The following SYNPR variants were observed in gnomAD, a reference collection of about 807,000 sequenced individuals.
SYNPR encodes the protein synaptoporin.
SYNPR carries 23 observed loss-of-function variants against 32.9 expected under a neutral mutation model. The observed-to-expected ratio is 0.70, with a 90% CI of 0.50 to 0.99. SYNPR has a LOEUF of 0.99. SYNPR is among the 50% of genes least tolerant of loss of function. The pLI is 0.00. For missense variants in SYNPR, 318 were observed against 349.3 expected (o/e 0.91, Z 0.71); for synonymous variants, 146 against 135.9 (o/e 1.07, Z -0.52).
At chr3:63,487,820 G>A (rs982698940) in intron 3 of SYNPR, among the ~76,000 whole-genome samples, 10 of 152,178 alleles carry the variant, frequency 6.6e-5, no homozygotes, top group Admixed American at 5.9e-4. Context: ...GGCATCGGTG[G>A]AGTAGGAGAC....
At chr3:63,448,253 C>T (rs1700315734) in intron 2 of SYNPR, among the ~76,000 whole-genome samples, 1 of 152,216 alleles carries the variant, frequency 6.6e-6, no homozygotes, top group East Asian at 1.9e-4. Flanking sequence ...ATCCTCCTGC[C>T]TCGGTCTCCC....
chr3:63,324,503 T>A (rs1158301773), intron 2 of SYNPR, among the ~76,000 whole-genome samples: 1 of 152,080 alleles, frequency 6.6e-6, no homozygotes. Context: ...GATTATAGAA[T>A]GGAAAATCAG....
intron 2 of SYNPR, among the ~76,000 whole-genome samples, chr3:63,467,478 T>G (rs1313241071): frequency 6.6e-6 from 1 of 152,260 alleles, no homozygotes; most frequent in Non-Finnish European, 1.5e-5. Flanking sequence ...CTGTGTGGCC[T>G]TGGATAAATC....
At chr3:63,380,440 G>T (rs2087951479) in intron 2 of SYNPR, among the ~76,000 whole-genome samples, 1 of 152,202 alleles carries the variant, frequency 6.6e-6, no homozygotes, top group Non-Finnish European at 1.5e-5. Context: ...GATGGCCAGT[G>T]ATGATGAGCA....
intron 4 of SYNPR, among the ~76,000 whole-genome samples, chr3:63,563,888 AAAAAAAT>A (rs1205178512): frequency 6.6e-6 from 1 of 151,912 alleles, no homozygotes; most frequent in Non-Finnish European, 1.5e-5. Flanking sequence ...AAAGTATAAT[AAAAAAAT>A]AAAAAATAAA....
chr3:63,256,386 T>C (rs2086383813), intron 2 of SYNPR, among the ~76,000 whole-genome samples: 1 of 152,114 alleles, frequency 6.6e-6, no homozygotes, highest in East Asian at 1.9e-4. Context: ...AGAGGAAGGA[T>C]CAGGCAGCAA....
rs555230362 is a variant in SYNPR at position 63,461,486 on chromosome 3, T to C, written c.85-19346T>C. On this transcript the variant is annotated intron_variant, in intron 2 of 5. Transcript: ENST00000478300. ...TTGTCCTGGGCTTTTTCTGAATTTG[T>C]GTCAAAACATTTCTTCTAATTCTAT... is the stretch of plus-strand genomic sequence containing the variant. Among the ~76,000 whole-genome samples, 14 of 152,236 alleles carry C rather than the reference T, an allele frequency of 9.2e-5. No individual in the cohort carries two copies. In the South Asian group the frequency reaches 1.9e-3, roughly 20 times the overall value.
rs113610346 is a variant in SYNPR at position 63,388,270 on chromosome 3, C to G, written c.85-92562C>G. Among the ~76,000 whole-genome samples the G allele has an allele frequency of 3.0e-3, 451 of 152,032 alleles. 2 individuals carry two copies. Among genetic ancestry groups the G allele is most frequent in the Non-Finnish European group, 5.6e-3 (379 of 67,990 alleles). ...AGCTAAGATAATATGTCCTTTATTC[C>G]TGAATTCCTGAGGGATATCTGGAAG... On this transcript the variant is annotated intron_variant, in intron 2 of 5. Transcript: ENST00000478300.
At chr3:63,353,349 A>T (rs536935556) in intron 2 of SYNPR, among the ~76,000 whole-genome samples, 1 of 152,310 alleles carries the variant, frequency 6.6e-6, no homozygotes, top group African/African-American at 2.4e-5. Flanking sequence ...TCCCTTATTT[A>T]TCTTCTTCCA....
intron 1 of SYNPR, among the ~76,000 whole-genome samples, chr3:63,250,071 A>G (rs898606134): frequency 6.6e-6 from 1 of 152,120 alleles, no homozygotes; most frequent in African/African-American, 2.4e-5. Context: ...GTTAACAGAT[A>G]CAAAATTACA....
chr3:63,535,732 A>C (rs1293288328), intron 3 of SYNPR, among the ~76,000 whole-genome samples: 2 of 83,570 alleles, frequency 2.4e-5, no homozygotes, highest in South Asian at 3.8e-4. Flanking sequence ...ATCCACATGC[A>C]AAAAAAAAAA....
chr3:63,327,784 G>A (rs539014777), intron 2 of SYNPR, among the ~76,000 whole-genome samples: 2 of 152,256 alleles, frequency 1.3e-5, no homozygotes, highest in South Asian at 2.1e-4. Flanking sequence ...TTGGTGGTTA[G>A]AGGTTAAGGA....
chr3:63,333,121 T>G (rs1019275523), intron 2 of SYNPR, among the ~76,000 whole-genome samples: 10 of 152,150 alleles, frequency 6.6e-5, no homozygotes, highest in Admixed American at 6.5e-4. Flanking sequence ...AAACAGGTTT[T>G]TTTTCTTAAA....
chr3:63,271,833 A>G (rs2086537648), intron 3 of SYNPR, among the ~76,000 whole-genome samples: 1 of 152,106 alleles, frequency 6.6e-6, no homozygotes, highest in Non-Finnish European at 1.5e-5. Flanking sequence ...CTATAGTTTT[A>G]GGATTATCCA....
At chr3:63,448,693 G>A (rs780560022) in intron 2 of SYNPR, among the ~76,000 whole-genome samples, 1 of 152,042 alleles carries the variant, frequency 6.6e-6, no homozygotes, top group Non-Finnish European at 1.5e-5. Flanking sequence ...AAATATTTAA[G>A]GATGCCTACC....
At chr3:63,521,920 G>A (rs1701923024) in intron 3 of SYNPR, among the ~76,000 whole-genome samples, 1 of 152,144 alleles carries the variant, frequency 6.6e-6, no homozygotes, top group African/African-American at 2.4e-5. Context: ...GCTTCCGACT[G>A]GCCAAAGGCA....
chr3:63,227,472 G>T (rs575961324), upstream of SYNPR, among the ~76,000 whole-genome samples: 1 of 152,294 alleles, frequency 6.6e-6, no homozygotes, highest in South Asian at 2.1e-4. Flanking sequence ...ATTTGAAACA[G>T]AAACCAAACT....
chr3:63,260,137 C>A (rs915611057), intron 2 of SYNPR, among the ~76,000 whole-genome samples: 7 of 152,156 alleles, frequency 4.6e-5, no homozygotes, highest in Admixed American at 3.9e-4. Flanking sequence ...TGAAAATGGC[C>A]ATACTGCCCA....
At chr3:63,431,550 G>A (rs1418632977) in intron 2 of SYNPR, among the ~76,000 whole-genome samples, 2 of 152,110 alleles carry the variant, frequency 1.3e-5, no homozygotes, top group East Asian at 1.9e-4. Flanking sequence ...GGATGGAAGT[G>A]GTAATTTATC....
Sources: allele counts gnomAD v4.1 joint callset (sites outside exome capture counted in the v4.1 genomes callset), GRCh38; gene constraint gnomAD v4.1.1; transcripts MANE v1.5; gene names NCBI Gene and HGNC (gene_info 2026-07-23, HGNC 2026-07-21).